Variants in MOV10 observed in about 807,000 individuals in gnomAD.
The protein encoded by MOV10 is Mov10 RNA helicase.
Under a neutral mutation model 108.4 loss-of-function variants are expected in MOV10, and 39 were observed. The observed-to-expected ratio is 0.36, with a 90% CI of 0.28 to 0.47. MOV10 has a LOEUF of 0.47. MOV10 is among the 20% of genes least tolerant of loss of function. The probability of loss-of-function intolerance (pLI) is 1.00; values close to 1 mark genes in which losing one functional copy is unlikely to be tolerated. For missense variants in MOV10, 952 were observed against 1,297.6 expected, an observed-to-expected ratio of 0.73 and a Z score of 4.09; for synonymous variants, 490 against 523.1, an observed-to-expected ratio of 0.94 and a Z score of 0.86.
At chr1:112,695,755 G>A (rs1012078752) in intron 11 of MOV10, among the ~76,000 whole-genome samples, 181 bp downstream of exon 11, 1 of 151,414 alleles carries the variant, frequency 6.6e-6, no homozygotes, top group Admixed American at 6.6e-5. Flanking sequence ...TAAAACATTT[G>A]GGGGGCTGGG....
chr1:112,681,995 A>G (rs1672695124), intron 2 of MOV10, among the ~76,000 whole-genome samples: 1 of 151,626 alleles, frequency 6.6e-6, no homozygotes, highest in African/African-American at 2.4e-5. Flanking sequence ...TCTGGGATTC[A>G]AGCAATTCTC....
chr1:112,687,608 T>C (rs1264512843), intron 2 of MOV10, among the ~76,000 whole-genome samples: 1 of 152,178 alleles, frequency 6.6e-6, no homozygotes, highest in East Asian at 1.9e-4. Flanking sequence ...AAACTGTCCA[T>C]GATCTGGTCC....
At chr1:112,677,819 A>T (rs1672314636) in intron 2 of MOV10, among the ~76,000 whole-genome samples, 1 of 152,128 alleles carries the variant, frequency 6.6e-6, no homozygotes, top group African/African-American at 2.4e-5. Context: ...GGAGATTCCT[A>T]CACTGAGAGG....
At chr1:112,677,954 G>T (rs1672323793) in intron 2 of MOV10, among the ~76,000 whole-genome samples, 1 of 152,128 alleles carries the variant, frequency 6.6e-6, no homozygotes, top group Non-Finnish European at 1.5e-5. Context: ...CTGTGTGCCT[G>T]TGCCTTGGTC....
chr1:112,689,377 T>TGCCACC, intron 3 of MOV10, 38 bp from the exon 4 acceptor site: 1 of 792,814 alleles, frequency 1.3e-6, no homozygotes, highest in Non-Finnish European at 2.2e-6. Flanking sequence ...GTCAGACCGC[T>TGCCACC]CCCACCCCAA....
rs551189958 is a variant in MOV10 at position 112,699,015 on chromosome 1, T to C, written c.2583+226T>C. 9 of 556,338 alleles carry C rather than the reference T, an allele frequency of 1.6e-5. No homozygotes were observed. In the East Asian group the frequency reaches 2.1e-4, roughly 13 times the overall value. The allele number at this position is 556,338 out of a possible 1,614,324, so 34.5% of individuals were successfully genotyped here. A position where few individuals can be genotyped will look rare whatever the true frequency, so the allele number is the denominator to read the frequency against. On this transcript the variant is annotated intron_variant, in intron 17 of 20. Transcript: ENST00000369645. ...TTTAACAAACACCTCCTGTCATTCTTAGACTGAGGCAGGTTTGAGGCCTCT... is the reference window on the plus strand; with the variant it reads ...TTTAACAAACACCTCCTGTCATTCTCAGACTGAGGCAGGTTTGAGGCCTCT...
chr1:112,683,930 T>C (rs72986507), intron 2 of MOV10, among the ~76,000 whole-genome samples: 2,679 of 152,162 alleles, frequency 0.018, 71 homozygotes, highest in East Asian at 0.094. Context: ...GGGTTTTGTT[T>C]TATCTTTTAA....
Position 112,675,082 on chromosome 1 carries a change from C to T in MOV10, c.137+33C>T, listed in dbSNP as rs1036475300. 2.5e-6 allele frequency: 4 copies of T among 1,571,574 alleles called. No individual in the cohort carries two copies. Among genetic ancestry groups the T allele is most frequent in the Admixed American group, 1.9e-5 (1 of 52,550 alleles). On this transcript the variant is annotated intron_variant, in intron 2 of 20. Transcript: ENST00000369645. The surrounding 1 kb of genome is among the most constrained non-coding windows in gnomAD (Gnocchi z 4.7). ...CCGGCCCACTCCCGGCCCCGAATCG[C>T]GGGCCCAGCTTGCTGCCACGACCCC...
intron 2 of MOV10, among the ~76,000 whole-genome samples, chr1:112,684,753 A>G (rs979828814): frequency 1.3e-5 from 2 of 152,204 alleles, no homozygotes; most frequent in African/African-American, 4.8e-5. Context: ...GAATAAAATA[A>G]TATCTCATTT....
At chr1:112,686,038 G>A (rs945783344) in intron 2 of MOV10, among the ~76,000 whole-genome samples, 10 of 152,260 alleles carry the variant, frequency 6.6e-5, no homozygotes, top group African/African-American at 1.4e-4. Context: ...GGCCCCGTTC[G>A]AAGATAAGCA....
At position 112,694,757 on chromosome 1, in the gene MOV10, A is replaced by G; in HGVS notation, c.1481A>G (p.Asp494Gly). ...CCTGGTCCCTCTGCCAGGCTGTACG[A>G]CCGGAGTCTGGAGTCAAACCCAGAG... Reference protein sequence around the residue: ...LPSDVKLKLYDRSLESNPEQL... With the variant: ...LPSDVKLKLYGRSLESNPEQL... The change falls in exon 10 of 21, where the codon GAC becomes GGC. Residue 494 changes from aspartate to glycine, a missense_variant. By Grantham distance (94) the Asp-to-Gly change is moderately conservative. Coordinates refer to ENST00000369645, the MANE Select transcript of MOV10 (RefSeq NM_001321324.2). The surrounding 1 kb of genome is among the most constrained non-coding windows in gnomAD (Gnocchi z 4.1). 6.2e-7 allele frequency: 1 copy of G among 1,613,994 alleles called. No individual in the cohort carries two copies. Among genetic ancestry groups the G allele is most frequent in the Non-Finnish European group, 8.5e-7 (1 of 1,179,954 alleles).
chr1:112,689,381 A>ACCCCCCCCAGGGGACC, intron 3 of MOV10, 34 bp from the exon 4 acceptor site: 1 of 738,824 alleles, frequency 1.4e-6, no homozygotes, highest in Non-Finnish European at 2.4e-6. Context: ...GACCGCTCCC[A>ACCCCCCCCAGGGGACC]CCCCAACCCC....
At chr1:112,700,155 C>T in intron 19 of MOV10, 64 bp from the exon 20 acceptor site, 6 of 1,611,092 alleles carry the variant, frequency 3.7e-6, no homozygotes, top group Non-Finnish European at 5.1e-6. Context: ...GCAAGTACAG[C>T]TCAGATGGGA....
chr1:112,700,254 C>T lies in MOV10; in HGVS notation c.2834C>T (p.Thr945Ile), dbSNP rs996929478. ...TTCTGTAAAGAAAACGGAGGGTATA[C>T]CGGGTGTCCCTTCCCTGCCAAACTG... is the stretch of plus-strand genomic sequence containing the variant. Reference protein sequence around the residue: ...LEFCKENGGYTGCPFPAKLDL... With the variant: ...LEFCKENGGYIGCPFPAKLDL... Residue 945 changes from threonine to isoleucine, a missense_variant, in exon 20 of 21, where the codon ACC becomes ATC. By Grantham distance (89) the Thr-to-Ile change is moderately conservative. Transcript: ENST00000369645. 3 of 1,614,138 alleles carry T rather than the reference C, an allele frequency of 1.9e-6. No homozygotes were observed. Among genetic ancestry groups the T allele is most frequent in the Non-Finnish European group, 2.5e-6 (3 of 1,179,978 alleles).
intron 16 of MOV10, 74 bp downstream of exon 16, chr1:112,698,552 G>A: frequency 6.5e-7 from 1 of 1,528,992 alleles, no homozygotes. Flanking sequence ...AGACCACTAG[G>A]CAGAGGCTCC....
chr1:112,690,525 A>G (rs934928690), intron 5 of MOV10, among the ~76,000 whole-genome samples: 4 of 152,050 alleles, frequency 2.6e-5, no homozygotes, highest in Admixed American at 1.3e-4. Context: ...ACACCCGGCT[A>G]ATTTTTGTAT....
Position 112,676,489 on chromosome 1 carries a change from C to T in MOV10, c.137+1440C>T, listed in dbSNP as rs148438670. 2.0e-3 allele frequency among the ~76,000 whole-genome samples: 297 copies of T among 152,234 alleles called. 2 individuals carry two copies. Among genetic ancestry groups the T allele is most frequent in the African/African-American group, 6.6e-3 (274 of 41,522 alleles). On this transcript the variant is annotated intron_variant, in intron 2 of 20. Coordinates refer to ENST00000369645, the MANE Select transcript of MOV10 (RefSeq NM_001321324.2). The stretch of plus-strand genomic sequence containing the variant: ...ACAGTAAGGCTGACTTGACTCAAGG[C>T]TATGGTAATAGGGTATTGCAATAGG...
At chr1:112,682,478 G>A (rs948300915) in intron 2 of MOV10, among the ~76,000 whole-genome samples, 13 of 152,266 alleles carry the variant, frequency 8.5e-5, no homozygotes, top group Middle Eastern at 3.4e-3. Flanking sequence ...CCACTGTGCC[G>A]GGCCTTTAAG....
At chr1:112,682,433 G>A (rs894448687) in intron 2 of MOV10, among the ~76,000 whole-genome samples, 3 of 152,154 alleles carry the variant, frequency 2.0e-5, no homozygotes, top group Non-Finnish European at 4.4e-5. Flanking sequence ...ATATTGTGCA[G>A]GGTGGTCTTG....
Sources: gnomAD v4.1 joint callset for allele counts (sites outside exome capture counted in the v4.1 genomes callset) on GRCh38, gnomAD v4.1.1 for gene constraint, Gnocchi (gnomAD v3.1) non-coding constraint, MANE v1.5 for transcripts, NCBI Gene and HGNC (gene_info 2026-07-23, HGNC 2026-07-21) for gene names.